PLEKHM3: variants seen among roughly 807,000 people sequenced by gnomAD.
PLEKHM3 encodes pleckstrin homology domain containing M3, also known as pleckstrin homology domain-containing family M member 3.
Under a neutral mutation model 81.8 loss-of-function variants are expected in PLEKHM3, and 45 were observed. The observed-to-expected ratio is 0.55, with a 90% confidence interval of 0.43 to 0.71. The LOEUF (loss-of-function observed/expected upper bound fraction) is 0.71, where lower values mean the gene tolerates loss of function less well. Ranked by LOEUF, PLEKHM3 falls within the 30% of genes least tolerant of loss-of-function variation. PLEKHM3 has a pLI of 0.00. For missense variants in PLEKHM3, 788 were observed against 924.3 expected, an observed-to-expected ratio of 0.85 and a Z score of 1.91; for synonymous variants, 352 against 356.4, an observed-to-expected ratio of 0.99 and a Z score of 0.14.
intron 4 of PLEKHM3, among the ~76,000 whole-genome samples, chr2:207,935,109 G>C (rs1289773595): frequency 6.6e-6 from 1 of 152,154 alleles, no homozygotes; most frequent in Non-Finnish European, 1.5e-5. Flanking sequence ...GACTAGTAAA[G>C]ATAATCTAAT....
At chr2:207,878,821 T>G (rs989314649) in intron 6 of PLEKHM3, among the ~76,000 whole-genome samples, 12 of 151,818 alleles carry the variant, frequency 7.9e-5, no homozygotes, top group African/African-American at 2.4e-4. Flanking sequence ...TAGAGCTGGG[T>G]TTTTTTTATT....
chr2:207,956,405 G>A (rs1559255527), intron 3 of PLEKHM3, among the ~76,000 whole-genome samples: 1 of 151,868 alleles, frequency 6.6e-6, no homozygotes, highest in Non-Finnish European at 1.5e-5. Flanking sequence ...CCCAGGAGGC[G>A]GAGGTTGCAG....
At chr2:207,949,306 G>A (rs1461484917) in intron 3 of PLEKHM3, among the ~76,000 whole-genome samples, 2 of 152,232 alleles carry the variant, frequency 1.3e-5, no homozygotes, top group African/African-American at 2.4e-5. Flanking sequence ...CTAGCACTTT[G>A]GGAGGCCAAG....
rs1440274884 is a variant in PLEKHM3 at position 207,976,524 on chromosome 2, G to A, written c.1546+127C>T. ...GTTTTAATACAGTAAGCTTCTCGAGGAGAGATACTTTTTATAAACAGGAGA... is the reference window on the plus strand; with the variant it reads ...GTTTTAATACAGTAAGCTTCTCGAGAAGAGATACTTTTTATAAACAGGAGA... On this transcript the variant is annotated intron_variant, in intron 3 of 7. Transcript: ENST00000427836. The surrounding 1 kb of genome is among the most constrained non-coding windows in gnomAD (Gnocchi z 4.1). The A allele has an allele frequency of 3.4e-6, 3 of 893,298 alleles. No individual in the cohort carries two copies. The highest frequency in any genetic ancestry group is 2.3e-4 in the Middle Eastern group (1 of 4,432). 55.3% of individuals were successfully genotyped at this position (893,298 alleles called of 1,614,324 possible).
chr2:207,986,955 C>T (rs1343570667), intron 2 of PLEKHM3, among the ~76,000 whole-genome samples: 2 of 150,450 alleles, frequency 1.3e-5, no homozygotes, highest in African/African-American at 4.9e-5. Flanking sequence ...GCTGGAATTA[C>T]AGGTGTGAGC....
chr2:207,860,723 G>A (rs2092463038), intron 7 of PLEKHM3, among the ~76,000 whole-genome samples: 2 of 152,094 alleles, frequency 1.3e-5, no homozygotes, highest in Admixed American at 1.3e-4. Context: ...TTTACCCCTG[G>A]CGGTCGGTCC....
At chr2:207,853,697 G>C (rs957393073) in intron 7 of PLEKHM3, among the ~76,000 whole-genome samples, 4 of 152,090 alleles carry the variant, frequency 2.6e-5, no homozygotes, top group African/African-American at 9.7e-5. Context: ...TCATGCCACT[G>C]CACTCCAGCC....
intron 7 of PLEKHM3, among the ~76,000 whole-genome samples, chr2:207,860,195 G>GTGTGTGTGT (rs2092459954): frequency 6.6e-6 from 1 of 150,392 alleles, no homozygotes. Flanking sequence ...GTGTGTGTGT[G>GTGTGTGTGT]TGTGTGTGTG....
rs1575253057 is a variant in PLEKHM3 at position 207,821,747 on chromosome 2, T to A, written c.*6572A>T. The A allele has an allele frequency of 6.6e-6, 1 of 151,946 alleles. No individual in the cohort carries two copies. The highest frequency in any genetic ancestry group is 2.4e-5 in the African/African-American group (1 of 41,368). 9.4% of individuals were successfully genotyped at this position (151,946 alleles called of 1,614,324 possible). ...TCTCCTTTAAAAAAAAAAGTATATA[T>A]ATATATTTTTCAAAGAGATGAGGGT... On this transcript the variant is annotated 3_prime_UTR_variant, in exon 8 of 8. Transcript: ENST00000427836.
In PLEKHM3 at chr2:207,843,288, G is replaced by A. The variant is rs1156359872; in HGVS notation, c.2109-14792C>T. On this transcript the variant is annotated intron_variant, in intron 7 of 7. Coordinates refer to ENST00000427836, the MANE Select transcript of PLEKHM3 (RefSeq NM_001080475.3). The surrounding 1 kb of genome is among the most constrained non-coding windows in gnomAD (Gnocchi z 4.4). Reference sequence around the variant, plus strand: ...TTTTCCTTTTCATTGTCTTTGGGTAGCAGCCTGCCTGAGCCACCTCCCCAG... The same window carrying A: ...TTTTCCTTTTCATTGTCTTTGGGTAACAGCCTGCCTGAGCCACCTCCCCAG... 1.3e-5 allele frequency among the ~76,000 whole-genome samples: 2 copies of A among 152,104 alleles called. No individual in the cohort carries two copies. The highest frequency in any genetic ancestry group is 2.9e-5 in the Non-Finnish European group (2 of 68,012).
At chr2:207,965,080 G>A (rs1275394387) in intron 3 of PLEKHM3, among the ~76,000 whole-genome samples, 3 of 152,132 alleles carry the variant, frequency 2.0e-5, no homozygotes, top group Non-Finnish European at 2.9e-5. Flanking sequence ...AAACTCTCAA[G>A]TAGCTTTTAT....
chr2:207,895,487 T>C (rs1048516483), intron 6 of PLEKHM3, among the ~76,000 whole-genome samples: 9 of 152,262 alleles, frequency 5.9e-5, no homozygotes, highest in African/African-American at 1.9e-4. Context: ...CCTTGACCTG[T>C]GCTCTAGCCA....
At chr2:207,989,533 A>G (rs914419675) in intron 2 of PLEKHM3, among the ~76,000 whole-genome samples, 2 of 152,128 alleles carry the variant, frequency 1.3e-5, no homozygotes, top group African/African-American at 4.8e-5. Context: ...TCCTTTTCAC[A>G]AGTCCCACTT....
At chr2:207,885,215 C>T (rs1302465670) in intron 6 of PLEKHM3, among the ~76,000 whole-genome samples, 1 of 152,212 alleles carries the variant, frequency 6.6e-6, no homozygotes, top group Non-Finnish European at 1.5e-5. Flanking sequence ...GTGACTACGG[C>T]AGTGATCCTG....
intron 4 of PLEKHM3, among the ~76,000 whole-genome samples, chr2:207,940,928 T>C (rs1335139166): frequency 6.6e-6 from 1 of 152,158 alleles, no homozygotes; most frequent in African/African-American, 2.4e-5. Flanking sequence ...GGTACAAATA[T>C]AGATAGATTT....
chr2:207,961,482 G>C lies in PLEKHM3; in HGVS notation c.1547-14970C>G, dbSNP rs150577404. On this transcript the variant is annotated intron_variant, in intron 3 of 7. Coordinates refer to ENST00000427836, the MANE Select transcript of PLEKHM3 (RefSeq NM_001080475.3). ...ACAAACCCATATGTCTTAGGTTTTA[G>C]AATCCTAGTTTCCTTCTGGAAGTGG... Among the ~76,000 whole-genome samples the C allele has an allele frequency of 5.1e-3, 780 of 152,262 alleles. 5 individuals are homozygous for C. The highest frequency in any genetic ancestry group is 0.01 in the Middle Eastern group (3 of 294).
chr2:207,991,751 G>C (rs1214860833), intron 2 of PLEKHM3, among the ~76,000 whole-genome samples: 2 of 152,134 alleles, frequency 1.3e-5, no homozygotes, highest in African/African-American at 2.4e-5. Context: ...TTGTACCAAT[G>C]ATGGGAGAGA....
chr2:207,838,898 C>T (rs1225265002), intron 7 of PLEKHM3, among the ~76,000 whole-genome samples: 1 of 151,986 alleles, frequency 6.6e-6, no homozygotes, highest in Non-Finnish European at 1.5e-5. Flanking sequence ...TGTAGAAATT[C>T]CTAAAGTAGT....
chr2:207,876,531 A>C (rs1369263391), intron 6 of PLEKHM3, among the ~76,000 whole-genome samples: 2 of 152,172 alleles, frequency 1.3e-5, no homozygotes, highest in East Asian at 1.9e-4. Flanking sequence ...TTGTCTGCCT[A>C]ATCAGAATGT....
Sources: allele counts gnomAD v4.1 joint callset (sites outside exome capture counted in the v4.1 genomes callset), GRCh38; gene constraint gnomAD v4.1.1; non-coding constraint Gnocchi (gnomAD v3.1); transcripts MANE v1.5; gene names NCBI Gene and HGNC (gene_info 2026-07-23, HGNC 2026-07-21).